CEP63: variants seen among roughly 807,000 people sequenced by gnomAD.
The protein encoded by CEP63 is centrosomal protein 63, also known as centrosomal protein of 63 kDa.
CEP63 carries 84 observed loss-of-function variants against 89.1 expected under a neutral mutation model. That is an observed-to-expected ratio of 0.94 (90% CI 0.79 to 1.13). The LOEUF (loss-of-function observed/expected upper bound fraction) is 1.13. Among genes scored for constraint, CEP63 ranks in the 50% most tolerant of loss-of-function variants. The pLI is 0.00. For synonymous variants in CEP63, 267 were observed against 272.5 expected (o/e 0.98, Z 0.20); for missense variants, 838 against 813.3 (o/e 1.03, Z -0.37).
the CEP63 span, among the ~76,000 whole-genome samples, chr3:134,704,782 C>G: frequency 6.6e-6 from 1 of 152,228 alleles, no homozygotes; most frequent in African/African-American, 2.4e-5. Flanking sequence ...GGGACTTGCT[C>G]TTGGGCTGGG....
chr3:134,513,693 A>G lies in CEP63; in HGVS notation c.222+6407A>G, dbSNP rs1417325933. 2.0e-5 allele frequency among the ~76,000 whole-genome samples: 3 copies of G among 152,098 alleles called. No homozygotes were observed. In the East Asian group the frequency reaches 5.8e-4, roughly 29 times the overall value. Reference sequence around the variant, plus strand: ...CCATGATGGCTCTGAACGCCTCCTCAGTTTGGCTAAAGACCCTGAAAGGCT... The same window carrying G: ...CCATGATGGCTCTGAACGCCTCCTCGGTTTGGCTAAAGACCCTGAAAGGCT... On this transcript the variant is annotated intron_variant, in intron 3 of 14. Coordinates refer to ENST00000675561, the MANE Select transcript of CEP63 (RefSeq NM_001353108.3).
rs79115291 is a variant in CEP63, at chr3:134,561,593, T to C, written c.*58T>C. 262 of 1,565,114 alleles carry C rather than the reference T, an allele frequency of 1.7e-4. No homozygotes were observed. The African/African-American group carries it at 3.2e-3, about 19-fold the overall frequency. On this transcript the variant is annotated 3_prime_UTR_variant, in exon 15 of 15. Coordinates refer to ENST00000675561, the MANE Select transcript of CEP63 (RefSeq NM_001353108.3). ...AATAAACACCAAAGAGTTACTGTCA[T>C]CTGAAGTAGCAGCTCTTTAAAAACA...
chr3:134,530,849 C>T (rs1424847440), intron 3 of CEP63, among the ~76,000 whole-genome samples: 1 of 152,120 alleles, frequency 6.6e-6, no homozygotes, highest in African/African-American at 2.4e-5. Flanking sequence ...ATTTCTAGTA[C>T]TTTAAAAAAA....
At chr3:134,596,791 C>T in the CEP63 span, among the ~76,000 whole-genome samples, 1 of 152,126 alleles carries the variant, frequency 6.6e-6, no homozygotes, top group Non-Finnish European at 1.5e-5. Context: ...TTCCTGAATC[C>T]CAGAATCTTG....
At chr3:134,765,166 G>A in the CEP63 span, among the ~76,000 whole-genome samples, 11 of 152,088 alleles carry the variant, frequency 7.2e-5, no homozygotes, top group South Asian at 2.3e-3. Flanking sequence ...TCATACTTTG[G>A]GAATGACCAT....
chr3:134,559,193 C>G lies in CEP63; in HGVS notation c.1717C>G (p.His573Asp). 6.2e-7 allele frequency: 1 copy of G among 1,614,036 alleles called. No individual in the cohort carries two copies. Among genetic ancestry groups the G allele is most frequent in the Non-Finnish European group, 8.5e-7 (1 of 1,179,942 alleles). Reference protein sequence around the residue: ...QHRHDGIKTEHYKTDLHSPRG... With the variant: ...QHRHDGIKTEDYKTDLHSPRG... ...CAGACATGATGGAATAAAGACTGAGCACTACAAAACAGATCTTCATTCTCC... is the reference window on the plus strand; with the variant it reads ...CAGACATGATGGAATAAAGACTGAGGACTACAAAACAGATCTTCATTCTCC... The change falls in exon 14 of 15, where the codon CAC (histidine) becomes GAC (aspartate). Residue 573 changes from histidine to aspartate, a missense_variant. His to Asp is a moderately conservative substitution (Grantham distance 81, BLOSUM62 -1). Coordinates refer to ENST00000675561, the MANE Select transcript of CEP63 (RefSeq NM_001353108.3).
chr3:134,596,775 A>G, the CEP63 span, among the ~76,000 whole-genome samples: 3 of 152,228 alleles, frequency 2.0e-5, no homozygotes. Flanking sequence ...CAGAACCTCC[A>G]AGTACTTCCT....
At chr3:134,659,177 C>G in the CEP63 span, among the ~76,000 whole-genome samples, 1 of 152,162 alleles carries the variant, frequency 6.6e-6, no homozygotes, top group African/African-American at 2.4e-5. Flanking sequence ...TCCAAAATAT[C>G]CTGGGCAATG....
intron 11 of CEP63, 83 bp from the exon 12 acceptor site, chr3:134,551,843 A>G (rs1954934371): frequency 1.5e-6 from 1 of 683,116 alleles, no homozygotes; most frequent in Non-Finnish European, 2.6e-6. Flanking sequence ...ACTTAGCCTA[A>G]TGAAAATTCC....
intron 5 of CEP63, chr3:134,535,323 T>G (rs909948019): frequency 1.3e-5 from 2 of 152,200 alleles, no homozygotes; most frequent in African/African-American, 4.8e-5. Flanking sequence ...GGCTGGTCCT[T>G]ATCTTCCTCA....
the CEP63 span, among the ~76,000 whole-genome samples, chr3:134,665,652 GACACACACACACACACACACACAC>G: frequency 1.4e-4 from 13 of 95,776 alleles, no homozygotes; most frequent in Admixed American, 5.4e-4. Flanking sequence ...GGAAACAGAG[GACACACACACACACACACACACAC>G]ACACACACAC....
chr3:134,717,561 C>G, the CEP63 span, among the ~76,000 whole-genome samples: 1 of 152,140 alleles, frequency 6.6e-6, no homozygotes, highest in Non-Finnish European at 1.5e-5. Flanking sequence ...GAGAGTGTGT[C>G]TTTAACGAGG....
the CEP63 span, chr3:134,613,314 C>T: frequency 2.0e-5 from 3 of 152,742 alleles, no homozygotes; most frequent in Admixed American, 1.3e-4. Context: ...GGCCGTGTGC[C>T]CAGGGGGACA....
chr3:134,548,945 T>C, intron 9 of CEP63, 117 bp from the exon 10 acceptor site: 3 of 695,344 alleles, frequency 4.3e-6, no homozygotes, highest in South Asian at 3.2e-5. Flanking sequence ...ATGACTGAGG[T>C]GATGTTTAAG....
At chr3:134,767,725 T>G in the CEP63 span, among the ~76,000 whole-genome samples, 1 of 152,226 alleles carries the variant, frequency 6.6e-6, no homozygotes, top group Non-Finnish European at 1.5e-5. Flanking sequence ...CTGGTTACTC[T>G]GGGTTCTTGC....
At chr3:134,662,418 A>G in the CEP63 span, among the ~76,000 whole-genome samples, 1 of 152,336 alleles carries the variant, frequency 6.6e-6, no homozygotes, top group East Asian at 1.9e-4. Context: ...TCTATAAGCC[A>G]CCCAGTTAAT....
In CEP63 at chr3:134,564,707, G is replaced by A; in HGVS notation, c.*3172G>A. 1.0e-6 allele frequency: 1 copy of A among 985,412 alleles called. No homozygotes were observed. The highest frequency in any genetic ancestry group is 1.2e-6 in the Non-Finnish European group (1 of 829,914). The allele number at this position is 985,412 out of a possible 1,614,324, so 61.0% of individuals were successfully genotyped here. A position where few individuals can be genotyped will look rare whatever the true frequency, so the allele number is the denominator to read the frequency against. ...TTGCAGTTTTAAGTACTGTACCTAT[G>A]TGCATTGCTGTTACATTCAGGAGAT... On this transcript the variant is annotated 3_prime_UTR_variant, in exon 15 of 15. Coordinates refer to ENST00000675561, the MANE Select transcript of CEP63 (RefSeq NM_001353108.3).
At chr3:134,731,299 T>G in the CEP63 span, among the ~76,000 whole-genome samples, 1 of 152,092 alleles carries the variant, frequency 6.6e-6, no homozygotes, top group African/African-American at 2.4e-5. Context: ...AGCAAGAAAT[T>G]GGGGCATATA....
intron 2 of CEP63, among the ~76,000 whole-genome samples, chr3:134,500,920 G>A (rs2108248857): frequency 6.6e-6 from 1 of 152,232 alleles, no homozygotes; most frequent in Middle Eastern, 3.4e-3. Flanking sequence ...GCCTAGGCCA[G>A]TGTCCAGAAG....
Sources: gnomAD v4.1 joint callset for allele counts (sites outside exome capture counted in the v4.1 genomes callset) on GRCh38, gnomAD v4.1.1 for gene constraint, MANE v1.5 for transcripts, NCBI Gene and HGNC (gene_info 2026-07-23, HGNC 2026-07-21) for gene names.